Variants in TTF2 observed in about 807,000 individuals in gnomAD.
The protein encoded by TTF2 is RNA polymerase II termination factor.
A neutral mutation model predicts 142.4 loss-of-function variants in TTF2; 108 were observed. That is an observed-to-expected ratio of 0.76 (90% confidence interval 0.65 to 0.89). The LOEUF is 0.89. Among genes scored for constraint, TTF2 ranks in the 40% least tolerant of loss-of-function variants. The probability of loss-of-function intolerance (pLI) is 0.00; values close to 1 mark genes in which losing one functional copy is unlikely to be tolerated. For synonymous variants in TTF2, 483 were observed against 506.2 expected (o/e 0.95, Z 0.61); for missense variants, 1,327 against 1,379.8 (o/e 0.96, Z 0.61).
chr1:117,102,103 C>G lies in TTF2; in HGVS notation c.*579C>G, dbSNP rs1570895680. The G allele has an allele frequency of 6.6e-6, 1 of 152,506 alleles. No individual in the cohort carries two copies. The allele number at this position is 152,506 out of a possible 1,614,324, so 9.4% of individuals were successfully genotyped here. On this transcript the variant is annotated 3_prime_UTR_variant, in exon 23 of 23. Transcript: ENST00000369466. Reference sequence around the variant, plus strand: ...GCTGCAGTGAGCTGTGATTGTGCCACTGTTTTCCAGCCTGGGCAATACAGT... The same window carrying G: ...GCTGCAGTGAGCTGTGATTGTGCCAGTGTTTTCCAGCCTGGGCAATACAGT...
intron 1 of TTF2, 23 bp from the exon 2 acceptor site, chr1:117,060,432 T>C: frequency 6.2e-7 from 1 of 1,611,584 alleles, no homozygotes; most frequent in South Asian, 1.1e-5. Flanking sequence ...GCGTAATCGT[T>C]GTTCACTTTC....
In TTF2 at chr1:117,088,873, C is replaced by A. The variant is rs766812203; in HGVS notation, c.2233C>A (p.Pro745Thr). The change falls in exon 13 of 23, where the codon CCC becomes ACC. Residue 745 changes from proline (P) to threonine (T), a missense_variant. Pro to Thr is a conservative substitution (Grantham distance 38). Transcript: ENST00000369466. ...GGATGAAGCTCACAATGTTAAGAATCCCCGAGTGCAGACTTCCATAGCTGT... is the reference window on the plus strand; with the variant it reads ...GGATGAAGCTCACAATGTTAAGAATACCCGAGTGCAGACTTCCATAGCTGT... ...ILDEAHNVKN[P>T]RVQTSIAVCK... The A allele has an allele frequency of 1.2e-6, 2 of 1,614,082 alleles. No individual in the cohort carries two copies. The highest frequency in any genetic ancestry group is 2.7e-5 in the African/African-American group (2 of 74,938).
At chr1:117,082,806 A>C (rs989319374) in intron 10 of TTF2, among the ~76,000 whole-genome samples, 1 of 152,160 alleles carries the variant, frequency 6.6e-6, no homozygotes, top group African/African-American at 2.4e-5. Context: ...CTGGGCAAGA[A>C]AGCAAGACAC....
intron 7 of TTF2, 106 bp from the exon 8 acceptor site, chr1:117,077,810 A>T: frequency 6.9e-7 from 1 of 1,447,796 alleles, no homozygotes; most frequent in Non-Finnish European, 9.5e-7. Flanking sequence ...GTAGTTAACA[A>T]GGAGGGTAAG....
Position 117,068,551 on chromosome 1 carries a change from A to G in TTF2, c.219-5110A>G, listed in dbSNP as rs114674026. Among the ~76,000 whole-genome samples, 1,456 of 152,302 alleles carry G rather than the reference A, an allele frequency of 9.6e-3. 25 individuals are homozygous for G. The highest frequency in any genetic ancestry group is 0.031 in the African/African-American group (1,306 of 41,540). On this transcript the variant is annotated intron_variant, in intron 3 of 22. Coordinates refer to ENST00000369466, the MANE Select transcript of TTF2 (RefSeq NM_003594.4). ...TAGAACTTAAAGTGTAATAAAAAAA[A>G]AAAAAAGAAAAATATTCACCTCCAA...
In TTF2 at chr1:117,097,341, C is replaced by CCTTTTGAAGGTAATGCT; in HGVS notation, c.3187-9_3194dup. ...TCTGTTTAAAGTTAATGTTGTGTTT[C>CCTTTTGAAGGTAATGCT]CTTTTGAAGGTAATGCTAATCTCTC... On this transcript the variant is annotated splice_polypyrimidine_tract_variant and intron_variant, in intron 20 of 22. Coordinates refer to ENST00000369466, the MANE Select transcript of TTF2 (RefSeq NM_003594.4). This position sits in a 1 kb window ranked among gnomAD's most constrained non-coding sequence, Gnocchi z 4.1. 1 of 1,613,774 alleles carries CCTTTTGAAGGTAATGCT rather than the reference C, an allele frequency of 6.2e-7. No individual in the cohort carries two copies. The highest frequency in any genetic ancestry group is 8.5e-7 in the Non-Finnish European group (1 of 1,179,718).
At chr1:117,071,867 T>C (rs1436323137) in intron 3 of TTF2, among the ~76,000 whole-genome samples, 7 of 152,078 alleles carry the variant, frequency 4.6e-5, no homozygotes, top group Non-Finnish European at 4.4e-5. Flanking sequence ...TTGGTGTAAA[T>C]GTAATTGTGT....
At chr1:117,077,869 GA>G (rs1657140085) in intron 7 of TTF2, 46 bp from the exon 8 acceptor site, 3 of 1,609,908 alleles carry the variant, frequency 1.9e-6, no homozygotes, top group Non-Finnish European at 2.5e-6. Flanking sequence ...AAGGGATAAA[GA>G]AAACATACTT....
rs1649909618 is a variant in TTF2 at position 117,105,995 on chromosome 1, G to A, written c.*4471G>A. 6.6e-6 allele frequency: 1 copy of A among 152,088 alleles called. No homozygotes were observed. Among genetic ancestry groups the A allele is most frequent in the Non-Finnish European group, 1.5e-5 (1 of 68,018 alleles). 9.4% of individuals were successfully genotyped at this position (152,088 alleles called of 1,614,324 possible). On this transcript the variant is annotated 3_prime_UTR_variant, in exon 23 of 23. Transcript: ENST00000369466. This position sits in a 1 kb window ranked among gnomAD's most constrained non-coding sequence, Gnocchi z 4.7. Reference sequence around the variant, plus strand: ...GACACCAGTGTTCAGTGTGGCCTCTGGTTGTCTGAAATTTTGCTGTCAACT... The same window carrying A: ...GACACCAGTGTTCAGTGTGGCCTCTAGTTGTCTGAAATTTTGCTGTCAACT...
intron 16 of TTF2, 103 bp from the exon 17 acceptor site, chr1:117,091,714 T>G: frequency 7.8e-6 from 11 of 1,410,712 alleles, no homozygotes; most frequent in Non-Finnish European, 1.1e-5. Flanking sequence ...TTATTGAGTC[T>G]GAGATCAAAC....
intron 3 of TTF2, among the ~76,000 whole-genome samples, chr1:117,067,296 C>T (rs569658999): frequency 6.6e-6 from 1 of 152,144 alleles, no homozygotes; most frequent in African/African-American, 2.4e-5. Context: ...TTTTGGGAGG[C>T]CAAGGCCGGC....
rs1649815663 is a variant in TTF2, at chr1:117,104,630, A to G, written c.*3106A>G. On this transcript the variant is annotated 3_prime_UTR_variant, in exon 23 of 23. Coordinates refer to ENST00000369466, the MANE Select transcript of TTF2 (RefSeq NM_003594.4). ...TTGGGTAGGTGTTCTTATAGCCGTGAGATGCTACTGACTTGAGGTGGATGC... is the reference window on the plus strand; with the variant it reads ...TTGGGTAGGTGTTCTTATAGCCGTGGGATGCTACTGACTTGAGGTGGATGC... The G allele has an allele frequency of 6.6e-6, 1 of 152,246 alleles. No homozygotes were observed. Among genetic ancestry groups the G allele is most frequent in the Admixed American group, 6.5e-5 (1 of 15,288 alleles). 9.4% of individuals were successfully genotyped at this position (152,246 alleles called of 1,614,324 possible).
Position 117,088,809 on chromosome 1 carries a change from A to G in TTF2, c.2169A>G (p.Ser723=), listed in dbSNP as rs1421874927. ...ACTTGTGATTCTTCCAGGGCACCTC[A>G]ACACCTTTGCTTCGAATAGCCTGGG... is the stretch of plus-strand genomic sequence containing the variant. ...PGANLNVEGT[S]TPLLRIAWAR... is the part of the protein sequence containing the mutation. The change falls in exon 13 of 23, where the codon TCA becomes TCG. Residue 723 remains serine (S), a synonymous_variant. Coordinates refer to ENST00000369466, the MANE Select transcript of TTF2 (RefSeq NM_003594.4). 1.2e-6 allele frequency: 2 copies of G among 1,613,314 alleles called. No individual in the cohort carries two copies. The highest frequency in any genetic ancestry group is 2.7e-5 in the African/African-American group (2 of 74,844).
intron 18 of TTF2, chr1:117,094,524 C>G: frequency 2.2e-6 from 1 of 456,600 alleles, no homozygotes; most frequent in Admixed American, 2.4e-5. Context: ...TGGGGAATAC[C>G]CAGGGAGCCT....
chr1:117,074,841 T>C (rs1656862542), intron 4 of TTF2, 29 bp from the exon 5 acceptor site: 1 of 1,520,900 alleles, frequency 6.6e-7, no homozygotes. Flanking sequence ...ATTAATATTT[T>C]ATATGAAGAT....
Position 117,075,024 on chromosome 1 carries a change from A to T in TTF2, c.440A>T (p.Glu147Val), listed in dbSNP as rs745688290. 5.5e-5 allele frequency: 88 copies of T among 1,613,952 alleles called. No individual in the cohort carries two copies. The Admixed American group carries it at 1.5e-3, about 27-fold the overall frequency. ...LWKQLIKGEG[E>V]EKKADKKQRE... ...AAACAGCTCATCAAAGGTGAAGGTG[A>T]GGAAAAGAAGGCTGATAAGAAGCAA... Residue 147 changes from glutamate to valine, a missense_variant, in exon 5 of 23, where the codon GAG becomes GTG. Coordinates refer to ENST00000369466, the MANE Select transcript of TTF2 (RefSeq NM_003594.4). The surrounding 1 kb of genome is among the most constrained non-coding windows in gnomAD (Gnocchi z 4.5).
rs138033371 is a variant in TTF2, at chr1:117,095,023, C to T, written c.2977-286C>T. On this transcript the variant is annotated intron_variant, in intron 18 of 22. Transcript: ENST00000369466. ...CGTTTGAGGAGGGCATGGTGAGAAA[C>T]GAACCCAGAGAAGCAGAGGCTGGAG... Among the ~76,000 whole-genome samples, 423 of 152,254 alleles carry T rather than the reference C, an allele frequency of 2.8e-3. 2 individuals carry two copies. The highest frequency in any genetic ancestry group is 9.8e-3 in the African/African-American group (407 of 41,544).
Position 117,097,430 on chromosome 1 carries a change from A to G in TTF2, c.3266A>G (p.His1089Arg), listed in dbSNP as rs1286442725. ...GGNHLFLLDM[H>R]WNPSLEDQAC... The stretch of plus-strand genomic sequence containing the variant: ...AATCACCTCTTTCTTTTGGACATGC[A>G]CTGGTAATGATTCCGGATTTGTCCT... Residue 1089 changes from histidine to arginine, a missense_variant, in exon 21 of 23, where the codon CAC becomes CGC. Physicochemically the swap from His to Arg is conservative, Grantham distance 29. Transcript: ENST00000369466. This position sits in a 1 kb window ranked among gnomAD's most constrained non-coding sequence, Gnocchi z 4.1. The G allele has an allele frequency of 1.2e-6, 2 of 1,614,002 alleles. No homozygotes were observed. The highest frequency in any genetic ancestry group is 8.5e-7 in the Non-Finnish European group (1 of 1,179,998).
chr1:117,091,519 G>A lies in TTF2; in HGVS notation c.2671+109G>A, dbSNP rs528757554. 188 of 1,176,838 alleles carry A rather than the reference G, an allele frequency of 1.6e-4. 1 individual carries two copies. The South Asian group carries it at 1.7e-3, about 11-fold the overall frequency. The allele number at this position is 1,176,838 out of a possible 1,614,324, so 72.9% of individuals were successfully genotyped here. A position where few individuals can be genotyped will look rare whatever the true frequency, so the allele number is the denominator to read the frequency against. Reference sequence around the variant, plus strand: ...GAATCCTTGGTATCAGAGATTTGGCGTTAACTAAGACCCTCAAACCAGAGT... The same window carrying A: ...GAATCCTTGGTATCAGAGATTTGGCATTAACTAAGACCCTCAAACCAGAGT... On this transcript the variant is annotated intron_variant, in intron 16 of 22. Coordinates refer to ENST00000369466, the MANE Select transcript of TTF2 (RefSeq NM_003594.4).
Sources: allele counts gnomAD v4.1 joint callset (sites outside exome capture counted in the v4.1 genomes callset), GRCh38; gene constraint gnomAD v4.1.1; non-coding constraint Gnocchi (gnomAD v3.1); transcripts MANE v1.5; gene names NCBI Gene and HGNC (gene_info 2026-07-23, HGNC 2026-07-21).